KSR1: variants seen among roughly 807,000 people sequenced by gnomAD.
KSR1 encodes the protein kinase suppressor of ras.
In KSR1, 35 loss-of-function variants were observed where a neutral mutation model predicts 92.9. The observed-to-expected ratio is 0.38, with a 90% CI of 0.29 to 0.50. KSR1 has a LOEUF of 0.50. KSR1 is among the 20% of genes least tolerant of loss of function. The probability of loss-of-function intolerance (pLI) is 0.94; values close to 1 mark genes in which losing one functional copy is unlikely to be tolerated. For missense variants in KSR1, 972 were observed against 1,158.5 expected, an observed-to-expected ratio of 0.84 and a Z score of 2.34; for synonymous variants, 467 against 472.6, an observed-to-expected ratio of 0.99 and a Z score of 0.15.
At position 27,607,920 on chromosome 17, in the gene KSR1, C is replaced by T. The variant is rs56372310; in HGVS notation, c.2001C>T (p.Cys667=). 6.2e-7 allele frequency: 1 copy of T among 1,605,916 alleles called. No homozygotes were observed. The highest frequency in any genetic ancestry group is 8.5e-7 in the Non-Finnish European group (1 of 1,176,136). The change falls in exon 15 of 21, where the codon TGC becomes TGT. Residue 667 remains cysteine, a synonymous_variant. Transcript: ENST00000644974. The part of the protein sequence containing the change: ...PPHLAIITSF[C]KGRTLHSFVR... ...CCCCCACCACCCTCGACAGCTTCTG[C>T]AAGGGGCGGACGTTGCACTCGTTTG...
intron 1 of KSR1, among the ~76,000 whole-genome samples, chr17:27,473,356 G>A (rs144915021): frequency 1.4e-3 from 206 of 152,322 alleles, no homozygotes; most frequent in Middle Eastern, 3.4e-3. Flanking sequence ...TGGCAGTCTC[G>A]TTTTTCGCAT....
At position 27,624,987 on chromosome 17, in the gene KSR1, G is replaced by A. The variant is rs891360227; in HGVS notation, c.*1595G>A. The A allele has an allele frequency of 6.6e-6, 1 of 152,304 alleles. No individual in the cohort carries two copies. Among genetic ancestry groups the A allele is most frequent in the African/African-American group, 2.4e-5 (1 of 41,472 alleles). 9.4% of individuals were successfully genotyped at this position (152,304 alleles called of 1,614,324 possible). A position where few individuals can be genotyped will look rare whatever the true frequency, so the allele number is the denominator to read the frequency against. Reference sequence around the variant, plus strand: ...CACAGCCGTATTACAGTGCCAGTGTGCCTGGCCATCAGCATCTTCACCCTT... The same window carrying A: ...CACAGCCGTATTACAGTGCCAGTGTACCTGGCCATCAGCATCTTCACCCTT... On this transcript the variant is annotated 3_prime_UTR_variant, in exon 21 of 21. Coordinates refer to ENST00000644974, the MANE Select transcript of KSR1 (RefSeq NM_001394583.1).
chr17:27,506,944 G>A (rs527415760), intron 1 of KSR1, among the ~76,000 whole-genome samples: 3 of 152,234 alleles, frequency 2.0e-5, no homozygotes, highest in African/African-American at 4.8e-5. Flanking sequence ...CTCAAATCTC[G>A]GGATCTGATG....
chr17:27,542,131 G>C lies in KSR1; in HGVS notation c.232-8437G>C, dbSNP rs114979954. On this transcript the variant is annotated intron_variant, in intron 1 of 20. Transcript: ENST00000644974. ...GAAGATTGGGACATCAGTCACCCTT[G>C]TGCTATCAGGGATCTACTCTAATTC... Among the ~76,000 whole-genome samples the C allele has an allele frequency of 7.4e-3, 1,121 of 152,310 alleles. 11 individuals carry two copies. Among genetic ancestry groups the C allele is most frequent in the African/African-American group, 0.026 (1,079 of 41,574 alleles).
chr17:27,528,911 A>G (rs2070423638), intron 1 of KSR1, among the ~76,000 whole-genome samples: 1 of 152,046 alleles, frequency 6.6e-6, no homozygotes, highest in Non-Finnish European at 1.5e-5. Context: ...CTCTACTGGA[A>G]AAAAAAACCA....
At chr17:27,571,538 A>T (rs928645595) in intron 2 of KSR1, among the ~76,000 whole-genome samples, 1 of 152,196 alleles carries the variant, frequency 6.6e-6, no homozygotes, top group Non-Finnish European at 1.5e-5. Context: ...GTCACCACCC[A>T]CAGGGCTCTA....
intron 3 of KSR1, among the ~76,000 whole-genome samples, chr17:27,581,229 G>C (rs928608710): frequency 6.6e-6 from 1 of 152,054 alleles, no homozygotes; most frequent in Non-Finnish European, 1.5e-5. Context: ...TCACTCTCTC[G>C]AGAACAGCAC....
In KSR1 at chr17:27,601,854, C is replaced by T. The variant is rs374042941; in HGVS notation, c.1510+453C>T. 115 of 1,533,904 alleles carry T rather than the reference C, an allele frequency of 7.5e-5. No individual in the cohort carries two copies. In the African/African-American group the frequency reaches 1.3e-3, roughly 17 times the overall value. On this transcript the variant is annotated intron_variant, in intron 11 of 20. Transcript: ENST00000644974. Reference sequence around the variant, plus strand: ...CCCATTTGGGAAGGTCTGCGGGCTTCTCTTAGTGGGCTTCACCCTTCTGTG... The same window carrying T: ...CCCATTTGGGAAGGTCTGCGGGCTTTTCTTAGTGGGCTTCACCCTTCTGTG...
chr17:27,512,728 A>G (rs1376215400), intron 1 of KSR1, among the ~76,000 whole-genome samples: 1 of 152,210 alleles, frequency 6.6e-6, no homozygotes, highest in African/African-American at 2.4e-5. Flanking sequence ...GTCTCCAAAC[A>G]AACAAAAAGA....
chr17:27,544,734 T>G lies in KSR1; in HGVS notation c.232-5834T>G, dbSNP rs549728855. Among the ~76,000 whole-genome samples the G allele has an allele frequency of 2.6e-5, 4 of 152,350 alleles. No homozygotes were observed. The South Asian group carries it at 8.3e-4, about 32-fold the overall frequency. On this transcript the variant is annotated intron_variant, in intron 1 of 20. Coordinates refer to ENST00000644974, the MANE Select transcript of KSR1 (RefSeq NM_001394583.1). ...GCTTGTCTATTCCGGAAAATTTATA[T>G]CTTGCGGTTTTGTGGTTAAGAGAAA...
rs1491524159 is a variant in KSR1, at chr17:27,501,293, T to TTC, written c.231+44420_231+44421insCT. 6.0e-3 allele frequency among the ~76,000 whole-genome samples: 71 copies of TTC among 11,848 alleles called. 1 individual carries two copies. Among genetic ancestry groups the TTC allele is most frequent in the African/African-American group, 0.015 (70 of 4,786 alleles). 7.8% of individuals were successfully genotyped at this position (11,848 alleles called of 152,430 possible). On this transcript the variant is annotated intron_variant, in intron 1 of 20. Coordinates refer to ENST00000644974, the MANE Select transcript of KSR1 (RefSeq NM_001394583.1). ...TTTTTTTTTTTAATTTCTTTTCTTC[T>TTC]TTTTTTTTTTTTTTTTTTTTTTTTG... is the stretch of plus-strand genomic sequence containing the variant.
intron 20 of KSR1, chr17:27,622,634 A>G (rs961445412): frequency 6.6e-5 from 10 of 152,560 alleles, no homozygotes; most frequent in African/African-American, 2.4e-4. Context: ...GCTCCAGACA[A>G]TTTTTCTGAT....
chr17:27,544,213 T>TCCACC (rs1377641622), intron 1 of KSR1, among the ~76,000 whole-genome samples: 1 of 152,166 alleles, frequency 6.6e-6, no homozygotes, highest in Non-Finnish European at 1.5e-5. Context: ...GGGAGTGGTG[T>TCCACC]CAAGGGACTT....
chr17:27,583,048 G>A lies in KSR1; in HGVS notation c.923G>A (p.Arg308Gln), dbSNP rs372755273. The A allele has an allele frequency of 3.9e-5, 60 of 1,557,038 alleles. No individual in the cohort carries two copies. The highest frequency in any genetic ancestry group is 3.6e-5 in the Non-Finnish European group (41 of 1,147,586). ...CTGCCCAGCTTCCCCACACTCACCC[G>A]GAGCAAGTCCCATGAGTCTCAGCTG... ...QLLPSFPTLTRSKSHESQLGN... is the reference protein window; with the variant it reads ...QLLPSFPTLTQSKSHESQLGN... Residue 308 changes from arginine to glutamine, a missense_variant, in exon 4 of 21, where the codon CGG (arginine) becomes CAG (glutamine). This residue lies in a region of KSR1 where 611 missense variants were observed against 668.0 expected (regional missense o/e 0.91). Transcript: ENST00000644974.
At chr17:27,499,980 C>T (rs1413894083) in intron 1 of KSR1, among the ~76,000 whole-genome samples, 1 of 152,220 alleles carries the variant, frequency 6.6e-6, no homozygotes, top group Non-Finnish European at 1.5e-5. Flanking sequence ...GTGGAGTCAC[C>T]TGCCACATCT....
rs1317125753 is a variant in KSR1, at chr17:27,464,719, A to AAG, written c.231+7845_231+7846insAG. On this transcript the variant is annotated intron_variant, in intron 1 of 20. Transcript: ENST00000644974. ...AGAACTTGACTCAAAAAAAAAAAAAACCAGCAAGAAAAATCCTTGCAGATT... is the reference window on the plus strand; with the variant it reads ...AGAACTTGACTCAAAAAAAAAAAAAAAGCCAGCAAGAAAAATCCTTGCAGATT... 4.0e-5 allele frequency among the ~76,000 whole-genome samples: 6 copies of AAG among 151,386 alleles called. 1 individual carries two copies. The highest frequency in any genetic ancestry group is 1.5e-4 in the African/African-American group (6 of 41,214).
At chr17:27,620,187 C>T (rs1271370397) in intron 19 of KSR1, among the ~76,000 whole-genome samples, 6 of 152,208 alleles carry the variant, frequency 3.9e-5, no homozygotes, top group Non-Finnish European at 8.8e-5. Flanking sequence ...TCATGCAATA[C>T]TGGGTTCAGT....
At chr17:27,461,676 C>T (rs1050948477) in intron 1 of KSR1, among the ~76,000 whole-genome samples, 5 of 152,214 alleles carry the variant, frequency 3.3e-5, no homozygotes, top group Admixed American at 6.5e-5. Flanking sequence ...GAGGGAGACC[C>T]GCAGTGGCTG....
At chr17:27,523,099 C>A (rs114980542) in intron 1 of KSR1, among the ~76,000 whole-genome samples, 3,376 of 152,216 alleles carry the variant, frequency 0.022, 123 homozygotes, top group African/African-American at 0.076. Context: ...GATACACATA[C>A]CCTATAGCCA....
Sources: gnomAD v4.1 joint callset for allele counts (sites outside exome capture counted in the v4.1 genomes callset) on GRCh38, gnomAD v4.1.1 for gene constraint, gnomAD v4.1.1 regional missense constraint, MANE v1.5 for transcripts, NCBI Gene and HGNC (gene_info 2026-07-23, HGNC 2026-07-21) for gene names.